Variants in RPS6KA5 observed in about 807,000 individuals in gnomAD.
RPS6KA5 encodes the protein ribosomal protein S6 kinase alpha-5.
A neutral mutation model predicts 85.5 loss-of-function variants in RPS6KA5; 27 were observed. The observed-to-expected ratio is 0.32, with a 90% confidence interval of 0.23 to 0.44. RPS6KA5 has a LOEUF of 0.44. Ranked by LOEUF, RPS6KA5 falls within the 20% of genes least tolerant of loss-of-function variation. The pLI is 1.00. For missense variants in RPS6KA5, 811 were observed against 980.9 expected (o/e 0.83, Z 2.31); for synonymous variants, 334 against 348.2 (o/e 0.96, Z 0.46).
intron 1 of RPS6KA5, among the ~76,000 whole-genome samples, chr14:91,020,853 G>A (rs1463367288): frequency 2.6e-5 from 4 of 151,964 alleles, no homozygotes; most frequent in African/African-American, 9.7e-5. Flanking sequence ...GACTGACTTT[G>A]TTGAGGAATA....
intron 1 of RPS6KA5, among the ~76,000 whole-genome samples, chr14:91,028,964 A>G (rs1253634495): frequency 6.6e-6 from 1 of 152,254 alleles, no homozygotes; most frequent in Non-Finnish European, 1.5e-5. Flanking sequence ...CTGAAGGGGT[A>G]GTAAACACAA....
chr14:91,049,712 A>G (rs1272361846), intron 1 of RPS6KA5, among the ~76,000 whole-genome samples: 2 of 152,330 alleles, frequency 1.3e-5, no homozygotes, highest in South Asian at 2.1e-4. Flanking sequence ...CAATGAGAAC[A>G]TGTTCTGAGA....
intron 3 of RPS6KA5, among the ~76,000 whole-genome samples, chr14:90,960,956 G>A (rs142452228): frequency 5.9e-5 from 9 of 152,244 alleles, no homozygotes; most frequent in East Asian, 1.9e-4. Context: ...GGTACTGTTC[G>A]TATACACTCC....
At chr14:90,950,876 T>C (rs1566782829) in intron 3 of RPS6KA5, among the ~76,000 whole-genome samples, 1 of 152,214 alleles carries the variant, frequency 6.6e-6, no homozygotes, top group East Asian at 1.9e-4. Flanking sequence ...ATCCCAGCAC[T>C]TTGGGAGGCT....
intron 1 of RPS6KA5, among the ~76,000 whole-genome samples, chr14:91,031,483 C>A (rs186231590): frequency 3.3e-5 from 5 of 152,200 alleles, no homozygotes; most frequent in Non-Finnish European, 7.4e-5. Context: ...ATGACAGTTA[C>A]ACAAAGTTGA....
In RPS6KA5 at chr14:90,978,492, T is replaced by A; in HGVS notation, c.208A>T (p.Ser70Cys). The part of the protein sequence containing the change: ...YGKVFLVRKI[S>C]GHDTGKLYAM... The stretch of plus-strand genomic sequence containing the variant: ...TACAGCTTTCCAGTATCATGGCCAC[T>A]TATTTTACGAACTAGAAATACTTTT... Residue 70 changes from serine (S) to cysteine (C), a missense_variant, in exon 3 of 17, where the codon AGT becomes TGT. Physicochemically the swap from Ser to Cys is moderately radical, Grantham distance 112. Coordinates refer to ENST00000614987, the MANE Select transcript of RPS6KA5 (RefSeq NM_004755.4). 6.3e-7 allele frequency: 1 copy of A among 1,599,674 alleles called. No homozygotes were observed. The highest frequency in any genetic ancestry group is 1.1e-5 in the South Asian group (1 of 87,326).
At chr14:90,964,178 TAAAAC>T (rs1446824234) in intron 3 of RPS6KA5, among the ~76,000 whole-genome samples, 1 of 152,214 alleles carries the variant, frequency 6.6e-6, no homozygotes, top group Admixed American at 6.5e-5. Flanking sequence ...CTTCTCCTGA[TAAAAC>T]AAAGAAGGCA....
intron 5 of RPS6KA5, among the ~76,000 whole-genome samples, chr14:90,931,096 TCA>T (rs2036953586): frequency 6.6e-6 from 1 of 152,140 alleles, no homozygotes; most frequent in African/African-American, 2.4e-5. Flanking sequence ...ACAACCACGT[TCA>T]CTGTATTATT....
At chr14:91,040,468 G>A (rs1369588465) in intron 1 of RPS6KA5, among the ~76,000 whole-genome samples, 1 of 152,088 alleles carries the variant, frequency 6.6e-6, no homozygotes, top group Non-Finnish European at 1.5e-5. Context: ...GGAAGAAAAA[G>A]TATTATTAAC....
At chr14:91,001,199 G>T in intron 1 of RPS6KA5, 40 bp from the exon 2 acceptor site, 3 of 1,321,750 alleles carry the variant, frequency 2.3e-6, no homozygotes, top group African/African-American at 1.5e-5. Context: ...AAGAGGGTCA[G>T]CAATAGAAGG....
chr14:90,892,829 G>A (rs960152899), intron 13 of RPS6KA5, among the ~76,000 whole-genome samples: 22 of 152,186 alleles, frequency 1.4e-4, no homozygotes, highest in African/African-American at 5.1e-4. Context: ...GAAAATGTTA[G>A]TTCAAAGGTC....
chr14:90,991,286 C>T (rs1014968014), intron 2 of RPS6KA5, among the ~76,000 whole-genome samples: 2 of 152,060 alleles, frequency 1.3e-5, no homozygotes, highest in African/African-American at 2.4e-5. Flanking sequence ...TTAAGACACC[C>T]CTTGAAAGAA....
intron 3 of RPS6KA5, among the ~76,000 whole-genome samples, chr14:90,957,012 T>C (rs1325499638): frequency 6.8e-6 from 1 of 147,666 alleles, no homozygotes; most frequent in Non-Finnish European, 1.5e-5. Flanking sequence ...TATAATCTGA[T>C]TCCAACCCCC....
chr14:90,982,319 G>A (rs1483839204), intron 2 of RPS6KA5, among the ~76,000 whole-genome samples: 1 of 152,108 alleles, frequency 6.6e-6, no homozygotes, highest in African/African-American at 2.4e-5. Flanking sequence ...AATAGGGACT[G>A]GGTTCAGTGG....
chr14:90,896,379 T>C (rs988517710), intron 12 of RPS6KA5, among the ~76,000 whole-genome samples: 3 of 152,192 alleles, frequency 2.0e-5, no homozygotes, highest in South Asian at 2.1e-4. Context: ...AAAATGCAGA[T>C]AGCAATGAGA....
rs58737573 is a variant in RPS6KA5 at position 91,030,611 on chromosome 14, G to GAAAAAAAAAAAAAAA, written c.104-29467_104-29453dup. 5.9e-4 allele frequency among the ~76,000 whole-genome samples: 13 copies of GAAAAAAAAAAAAAAA among 22,070 alleles called. 1 individual carries two copies. The highest frequency in any genetic ancestry group is 3.1e-3 in the East Asian group (1 of 318). The allele number at this position is 22,070 out of a possible 152,430, so 14.5% of individuals were successfully genotyped here. ...AACATGCAAGACACCAAAATAAACAGAAAAAAAAAAAAAAAAAAAAAAAAA... is the reference window on the plus strand; with the variant it reads ...AACATGCAAGACACCAAAATAAACAGAAAAAAAAAAAAAAAAAAAAAAAAAAAAAAAAAAAAAAAA... On this transcript the variant is annotated intron_variant, in intron 1 of 16. Coordinates refer to ENST00000614987, the MANE Select transcript of RPS6KA5 (RefSeq NM_004755.4).
chr14:90,920,291 A>C lies in RPS6KA5; in HGVS notation c.721T>G (p.Leu241Val). 6.2e-7 allele frequency: 1 copy of C among 1,608,652 alleles called. No homozygotes were observed. The highest frequency in any genetic ancestry group is 8.5e-7 in the Non-Finnish European group (1 of 1,175,674). Residue 241 changes from leucine to valine, a missense_variant, in exon 7 of 17, where the codon TTG becomes GTG. By Grantham distance (32) the Leu-to-Val change is conservative. This residue lies in a region of RPS6KA5 where 650 missense variants were observed against 793.4 expected (regional missense o/e 0.82). Transcript: ENST00000614987. The stretch of plus-strand genomic sequence containing the variant: ...AGTAATTCATACATTAGAACACCCA[A>C]ACTCCACCAGTCAACTGCCTATAAA... ...GHDKAVDWWS[L>V]GVLMYELLTG... is the part of the protein sequence containing the mutation.
At chr14:90,988,208 T>C (rs1308224090) in intron 2 of RPS6KA5, among the ~76,000 whole-genome samples, 1 of 152,232 alleles carries the variant, frequency 6.6e-6, no homozygotes, top group South Asian at 2.1e-4. Context: ...TATTTCTCTA[T>C]TTACTGCAGG....
chr14:90,993,875 A>G (rs936955771), intron 2 of RPS6KA5, among the ~76,000 whole-genome samples: 1 of 152,176 alleles, frequency 6.6e-6, no homozygotes, highest in African/African-American at 2.4e-5. Context: ...AAGTCTGATT[A>G]GAAAAATGTT....
Sources: allele counts gnomAD v4.1 joint callset (sites outside exome capture counted in the v4.1 genomes callset), GRCh38; gene constraint gnomAD v4.1.1; regional missense constraint gnomAD v4.1.1; transcripts MANE v1.5; gene names NCBI Gene and HGNC (gene_info 2026-07-23, HGNC 2026-07-21).